The following NEXMIF variants were observed in gnomAD, a reference collection of about 807,000 sequenced individuals.
NEXMIF encodes the protein neurite extension and migration factor.
Under a neutral mutation model 62.1 loss-of-function variants are expected in NEXMIF, and 8 were observed. That is an observed-to-expected ratio of 0.13 (90% confidence interval 0.08 to 0.23). The LOEUF is 0.23. Ranked by LOEUF, NEXMIF falls within the 10% of genes least tolerant of loss-of-function variation. The pLI is 1.00. For synonymous variants in NEXMIF, 404 were observed against 416.6 expected, an observed-to-expected ratio of 0.97 and a Z score of 0.37; for missense variants, 976 against 1,113.3, an observed-to-expected ratio of 0.88 and a Z score of 1.75.
chrX:74,855,599 C>T (rs2080532107), intron 1 of NEXMIF, among the ~76,000 whole-genome samples: 1 of 111,811 alleles, frequency 8.9e-6, no homozygotes, highest in African/African-American at 3.3e-5. Flanking sequence ...TTGCTCGAGG[C>T]TGGGTGCATG....
intron 1 of NEXMIF, among the ~76,000 whole-genome samples, chrX:74,911,142 G>A (rs991453257): frequency 2.6e-4 from 29 of 111,846 alleles, no homozygotes; most frequent in Admixed American, 1.0e-3. Flanking sequence ...AGTGGCAGCC[G>A]GATGTGGTGG....
chrX:74,868,627 G>T (rs2080588733), intron 1 of NEXMIF, among the ~76,000 whole-genome samples: 1 of 105,626 alleles, frequency 9.5e-6, no homozygotes, highest in Non-Finnish European at 1.9e-5. Context: ...GGCCTGTTGG[G>T]GGGTGGGGGG....
chrX:74,878,532 T>C (rs79039821), intron 1 of NEXMIF, among the ~76,000 whole-genome samples: 1 of 112,744 alleles, frequency 8.9e-6, no homozygotes, highest in Non-Finnish European at 1.9e-5. Flanking sequence ...TCAAGCTTCC[T>C]GGCTGCTTTG....
At chrX:74,769,718 T>C in intron 1 of NEXMIF, 2 of 641,920 alleles carry the variant, frequency 3.1e-6, no homozygotes, top group South Asian at 4.4e-5. Context: ...TCTGCACCAT[T>C]TTCCACTGGA....
chrX:74,784,484 T>A (rs988879421), intron 1 of NEXMIF, among the ~76,000 whole-genome samples: 2 of 111,150 alleles, frequency 1.8e-5, no homozygotes, highest in Admixed American at 1.9e-4. Context: ...GAGAGTTGTC[T>A]TAGATACTTC....
At chrX:74,773,678 C>T (rs190188227) in intron 1 of NEXMIF, among the ~76,000 whole-genome samples, 10 of 110,653 alleles carry the variant, frequency 9.0e-5, no homozygotes, top group Admixed American at 7.7e-4. Flanking sequence ...GAGGCCGAGG[C>T]GGGTGGATCA....
intron 1 of NEXMIF, among the ~76,000 whole-genome samples, chrX:74,753,823 T>C (rs1343700207): frequency 9.0e-6 from 1 of 111,665 alleles, no homozygotes; most frequent in African/African-American, 3.3e-5. Context: ...GACTGGAAGT[T>C]GGAAGATGAA....
chrX:74,852,346 G>T (rs1426406797), intron 1 of NEXMIF, among the ~76,000 whole-genome samples: 1 of 111,392 alleles, frequency 9.0e-6, no homozygotes, highest in African/African-American at 3.3e-5. Flanking sequence ...TAAAGGGAGA[G>T]ATAGACTCCA....
At chrX:74,859,000 T>C (rs908799612) in intron 1 of NEXMIF, among the ~76,000 whole-genome samples, 1 of 109,897 alleles carries the variant, frequency 9.1e-6, no homozygotes, top group East Asian at 2.9e-4. Flanking sequence ...AAAAGAATGA[T>C]GCATGCCTAT....
chrX:74,779,935 G>T (rs2080241157), intron 1 of NEXMIF, among the ~76,000 whole-genome samples: 1 of 111,347 alleles, frequency 9.0e-6, no homozygotes, highest in Non-Finnish European at 1.9e-5. Flanking sequence ...ATTTCATTTG[G>T]TGAATCTGGG....
In NEXMIF at chrX:74,864,961, G is replaced by T. The variant is rs750261026; in HGVS notation, c.-48+59922C>A. The stretch of plus-strand genomic sequence containing the variant: ...TGACCTCAGGTGATCTGCCCACCTT[G>T]GCCTCCTACAGTGCCAGGATTACAG... On this transcript the variant is annotated intron_variant, in intron 1 of 3. Transcript: ENST00000055682. 6.3e-5 allele frequency among the ~76,000 whole-genome samples: 7 copies of T among 111,714 alleles called. No individual in the cohort carries two copies. The South Asian group carries it at 2.6e-3, about 42-fold the overall frequency.
chrX:74,783,627 G>C (rs1178896726), intron 1 of NEXMIF, among the ~76,000 whole-genome samples: 1 of 111,780 alleles, frequency 8.9e-6, no homozygotes, highest in East Asian at 2.8e-4. Context: ...ATACCAGGTA[G>C]ACAAATGAGC....
intron 1 of NEXMIF, among the ~76,000 whole-genome samples, chrX:74,898,366 C>T (rs941322475): frequency 3.6e-5 from 4 of 111,299 alleles, no homozygotes; most frequent in African/African-American, 1.3e-4. Context: ...CTACAGAATA[C>T]CTCACCATGA....
At chrX:74,860,529 T>C (rs1340401029) in intron 1 of NEXMIF, among the ~76,000 whole-genome samples, 2 of 111,947 alleles carry the variant, frequency 1.8e-5, no homozygotes, top group African/African-American at 6.5e-5. Flanking sequence ...CTTAAAACAT[T>C]CAAAAATTGA....
At chrX:74,805,855 T>C (rs1021077926) in intron 1 of NEXMIF, among the ~76,000 whole-genome samples, 1 of 112,101 alleles carries the variant, frequency 8.9e-6, no homozygotes, top group Admixed American at 9.5e-5. Context: ...GTTTTTGTTG[T>C]TGTTGTTTTC....
intron 1 of NEXMIF, among the ~76,000 whole-genome samples, chrX:74,795,645 C>G (rs1166040299): frequency 2.7e-5 from 3 of 111,037 alleles, no homozygotes; most frequent in African/African-American, 9.8e-5. Context: ...TTGTCAAAAC[C>G]TATAGACCTG....
intron 1 of NEXMIF, among the ~76,000 whole-genome samples, chrX:74,834,134 CAAAAAAA>C (rs60340857): frequency 3.8e-5 from 2 of 53,216 alleles, no homozygotes; most frequent in African/African-American, 1.2e-4. Context: ...AACTCCATCT[CAAAAAAA>C]AAAAAAAAAA....
intron 1 of NEXMIF, among the ~76,000 whole-genome samples, chrX:74,870,534 C>A (rs765727084): frequency 9.0e-6 from 1 of 111,362 alleles, no homozygotes; most frequent in South Asian, 3.8e-4. Flanking sequence ...AAAGGGTAAC[C>A]CACAGAACAG....
intron 1 of NEXMIF, among the ~76,000 whole-genome samples, chrX:74,835,742 C>T (rs1216677876): frequency 4.5e-5 from 5 of 111,242 alleles, no homozygotes; most frequent in African/African-American, 1.6e-4. Flanking sequence ...GGATCTTACC[C>T]AAGGTCTGCT....
Sources: gnomAD v4.1 joint callset for allele counts (sites outside exome capture counted in the v4.1 genomes callset) on GRCh38, gnomAD v4.1.1 for gene constraint, MANE v1.5 for transcripts, NCBI Gene and HGNC (gene_info 2026-07-23, HGNC 2026-07-21) for gene names.